PFKFB3: variants seen among roughly 807,000 people sequenced by gnomAD.
PFKFB3 encodes the protein 6-phosphofructo-2-kinase/fructose-2,6-biphosphatase 3, also known as 6-phosphofructo-2-kinase/fructose-2,6-bisphosphatase 3.
A neutral mutation model predicts 68.0 loss-of-function variants in PFKFB3; 33 were observed. The ratio of observed to expected loss-of-function variants is 0.49; its 90% CI spans 0.37 to 0.65. The LOEUF (loss-of-function observed/expected upper bound fraction) is 0.65. Ranked by LOEUF, PFKFB3 falls within the 30% of genes least tolerant of loss-of-function variation. PFKFB3 has a pLI of 0.00. For missense variants in PFKFB3, 586 were observed against 712.2 expected (o/e 0.82, Z 2.02); for synonymous variants, 315 against 288.2 (o/e 1.09, Z -0.94).
intron 1 of PFKFB3, among the ~76,000 whole-genome samples, chr10:6,158,662 T>C (rs1269760320): frequency 6.6e-6 from 1 of 152,080 alleles, no homozygotes; most frequent in Non-Finnish European, 1.5e-5. Flanking sequence ...GGTCAGGAGT[T>C]CAAGACCAGC....
At chr10:6,303,921 G>A in the PFKFB3 span, among the ~76,000 whole-genome samples, 14 of 152,070 alleles carry the variant, frequency 9.2e-5, no homozygotes, top group Non-Finnish European at 7.4e-5. Flanking sequence ...AAGCTTCTAC[G>A]ACATGGATGC....
At chr10:6,285,486 GCCTTCCAAA>G in the PFKFB3 span, among the ~76,000 whole-genome samples, 1 of 152,180 alleles carries the variant, frequency 6.6e-6, no homozygotes, top group Non-Finnish European at 1.5e-5. Context: ...ACCTGCCTCA[GCCTTCCAAA>G]GTGCTGGGAT....
downstream of PFKFB3, among the ~76,000 whole-genome samples, chr10:6,239,875 T>C (rs546736490): frequency 1.3e-5 from 2 of 152,278 alleles, no homozygotes; most frequent in East Asian, 1.9e-4. Context: ...GGTTTCACCA[T>C]GTTGGCCAGG....
At chr10:6,157,445 C>G (rs535359472) in intron 1 of PFKFB3, among the ~76,000 whole-genome samples, 1 of 152,138 alleles carries the variant, frequency 6.6e-6, no homozygotes, top group Admixed American at 6.5e-5. Flanking sequence ...CCAGGATGGT[C>G]TCGATCTCCT....
rs1554842850 is a variant in PFKFB3 at position 6,177,354 on chromosome 10, C to CTCTCTCTTTCTT, written c.16+32344_16+32345insCTCTTTCTTTCT. 6.4e-5 allele frequency among the ~76,000 whole-genome samples: 5 copies of CTCTCTCTTTCTT among 78,034 alleles called. No homozygotes were observed. The South Asian group carries it at 2.9e-3, about 45-fold the overall frequency. 51.2% of individuals were successfully genotyped at this position (78,034 alleles called of 152,430 possible). A position where few individuals can be genotyped will look rare whatever the true frequency, so the allele number is the denominator to read the frequency against. On this transcript the variant is annotated intron_variant, in intron 1 of 14. Coordinates refer to the PFKFB3 transcript ENST00000379789. ...GTTTGTGGGATGTTTCTTTTCTTTT[C>CTCTCTCTTTCTT]TCTTTCTTTCTTTCTTTCTTTCTTT...
chr10:6,313,638 T>C, the PFKFB3 span, among the ~76,000 whole-genome samples: 9 of 152,350 alleles, frequency 5.9e-5, no homozygotes, highest in South Asian at 6.2e-4. The surrounding 1 kb of genome is among the most constrained non-coding windows in gnomAD (Gnocchi z 4.2). Flanking sequence ...TTGGCTGTGC[T>C]GCGGTTTCAT....
chr10:6,229,653 C>T lies in PFKFB3; in HGVS notation c.1516-3242C>T, dbSNP rs935909817. ...TGATGCGCGGGGCCAGCGTGCAGTG[C>T]TTCAGGATCTGGGCTTCTCCTTGTG... On this transcript the variant is annotated intron_variant, in intron 14 of 14. Coordinates refer to ENST00000379775, the MANE Select transcript of PFKFB3 (RefSeq NM_004566.4). This position sits in a 1 kb window ranked among gnomAD's most constrained non-coding sequence, Gnocchi z 4.3. 7.2e-5 allele frequency among the ~76,000 whole-genome samples: 11 copies of T among 152,220 alleles called. No homozygotes were observed. The highest frequency in any genetic ancestry group is 2.7e-4 in the African/African-American group (11 of 41,450).
At chr10:6,178,885 C>G (rs931512809) in intron 1 of PFKFB3, among the ~76,000 whole-genome samples, 2 of 152,232 alleles carry the variant, frequency 1.3e-5, no homozygotes, top group Non-Finnish European at 2.9e-5. Context: ...GGAGGCCTGA[C>G]TCCCTTGAGA....
chr10:6,233,064 G>A lies in PFKFB3; in HGVS notation c.*122G>A, dbSNP rs543203585. 1.1e-3 allele frequency: 840 copies of A among 788,816 alleles called. 4 individuals are homozygous for A. The highest frequency in any genetic ancestry group is 6.3e-4 in the Non-Finnish European group (287 of 458,328). The allele number at this position is 788,816 out of a possible 1,614,324, so 48.9% of individuals were successfully genotyped here. Reference sequence around the variant, plus strand: ...GAGAGGGTGGGGTGGAGCAGCGGGGGAGCCTTGGCCGAAGAGAACCATGCT... The same window carrying A: ...GAGAGGGTGGGGTGGAGCAGCGGGGAAGCCTTGGCCGAAGAGAACCATGCT... On this transcript the variant is annotated 3_prime_UTR_variant, in exon 15 of 15. Transcript: ENST00000379775.
At position 6,222,767 on chromosome 10, in the gene PFKFB3, C is replaced by T. The variant is rs1339869363; in HGVS notation, c.1084-88C>T. On this transcript the variant is annotated intron_variant, in intron 10 of 14. Transcript: ENST00000379775. ...GATGGATGATTGATTTTGCGTGGCTCTCTGGCCGGTCTGATGCAGTCTGTG... is the reference window on the plus strand; with the variant it reads ...GATGGATGATTGATTTTGCGTGGCTTTCTGGCCGGTCTGATGCAGTCTGTG... 9 of 1,435,250 alleles carry T rather than the reference C, an allele frequency of 6.3e-6. No individual in the cohort carries two copies. In the East Asian group the frequency reaches 7.5e-5, roughly 12 times the overall value. 88.9% of individuals were successfully genotyped at this position (1,435,250 alleles called of 1,614,324 possible).
At chr10:6,160,802 T>C (rs181046901) in intron 1 of PFKFB3, among the ~76,000 whole-genome samples, 1 of 151,082 alleles carries the variant, frequency 6.6e-6, no homozygotes, top group Non-Finnish European at 1.5e-5. Flanking sequence ...TATATGGAGA[T>C]TCTTTGTACT....
intron 1 of PFKFB3, among the ~76,000 whole-genome samples, chr10:6,206,576 A>AGG (rs71499656): frequency 7.5e-6 from 1 of 134,086 alleles, no homozygotes; most frequent in South Asian, 2.3e-4. Context: ...CTGGCCGGGC[A>AGG]GGGGCTGACC....
intron 1 of PFKFB3, among the ~76,000 whole-genome samples, chr10:6,192,818 A>G (rs1392760134): frequency 6.6e-6 from 1 of 152,152 alleles, no homozygotes. Context: ...GGGCTTGCAC[A>G]GTTACAAAAA....
At chr10:6,254,574 C>T (rs1386680098) in exon 15 of PFKFB3, 3 of 383,532 alleles carry the variant, frequency 7.8e-6, no homozygotes, top group Non-Finnish European at 1.4e-5. Context: ...GGAAATAGTG[C>T]TTCGAGTTCC....
downstream of PFKFB3, among the ~76,000 whole-genome samples, chr10:6,240,484 C>G (rs943766178): frequency 1.3e-5 from 2 of 152,034 alleles, no homozygotes; most frequent in Non-Finnish European, 1.5e-5. Flanking sequence ...AGGCTGATCT[C>G]GAACTCCAAC....
chr10:6,168,739 G>A (rs1327162976), intron 1 of PFKFB3, among the ~76,000 whole-genome samples: 4 of 152,156 alleles, frequency 2.6e-5, no homozygotes, highest in Non-Finnish European at 4.4e-5. Context: ...CCCACTCGCA[G>A]GTGCCGAGTG....
intron 1 of PFKFB3, among the ~76,000 whole-genome samples, chr10:6,194,424 C>T (rs141923173): frequency 1.3e-5 from 2 of 152,328 alleles, no homozygotes; most frequent in East Asian, 1.9e-4. Context: ...AGTCTAGGAG[C>T]GGGCTCCTTA....
the PFKFB3 span, chr10:6,326,440 C>T: frequency 2.4e-6 from 1 of 422,972 alleles, no homozygotes; most frequent in Non-Finnish European, 4.7e-6. Flanking sequence ...TACCCCAGAA[C>T]TTAAAATAAA....
rs546996786 is a variant in PFKFB3, at chr10:6,233,084, C to T, written c.*142C>T. On this transcript the variant is annotated 3_prime_UTR_variant, in exon 15 of 15. Coordinates refer to ENST00000379775, the MANE Select transcript of PFKFB3 (RefSeq NM_004566.4). ...CGGGGGAGCCTTGGCCGAAGAGAAC[C>T]ATGCTTGGCACCGTCTGTGTCCCCT... is the stretch of plus-strand genomic sequence containing the variant. 3 of 697,846 alleles carry T rather than the reference C, an allele frequency of 4.3e-6. No homozygotes were observed. The highest frequency in any genetic ancestry group is 7.6e-6 in the Non-Finnish European group (3 of 392,728). The allele number at this position is 697,846 out of a possible 1,614,324, so 43.2% of individuals were successfully genotyped here.
Sources: gnomAD v4.1 joint callset for allele counts (sites outside exome capture counted in the v4.1 genomes callset) on GRCh38, gnomAD v4.1.1 for gene constraint, Gnocchi (gnomAD v3.1) non-coding constraint, MANE v1.5 for transcripts, NCBI Gene and HGNC (gene_info 2026-07-23, HGNC 2026-07-21) for gene names.